RBFOX1: variants seen among roughly 807,000 people sequenced by gnomAD.
RBFOX1 encodes the protein RNA binding fox-1 homolog 1, also known as RNA binding protein fox-1 homolog 1.
Under a neutral mutation model 57.7 loss-of-function variants are expected in RBFOX1, and 8 were observed. The observed-to-expected ratio is 0.14, with a 90% CI of 0.08 to 0.25. RBFOX1 has a LOEUF of 0.25. Ranked by LOEUF, RBFOX1 falls within the 10% of genes least tolerant of loss-of-function variation. The pLI is 1.00. For synonymous variants in RBFOX1, 326 were observed against 222.4 expected, an observed-to-expected ratio of 1.47 and a Z score of -4.15; for missense variants, 611 against 548.5, an observed-to-expected ratio of 1.11 and a Z score of -1.14.
chr16:7,017,483 A>G (rs2153665770), intron 3 of RBFOX1, among the ~76,000 whole-genome samples: 1 of 152,306 alleles, frequency 6.6e-6, no homozygotes, highest in South Asian at 2.1e-4. Flanking sequence ...ACATGCTTGT[A>G]AAATATAGCC....
chr16:6,792,787 C>G (rs1038921012), intron 3 of RBFOX1, among the ~76,000 whole-genome samples: 1 of 152,110 alleles, frequency 6.6e-6, no homozygotes, highest in Non-Finnish European at 1.5e-5. Flanking sequence ...TCCCAGCACT[C>G]TGGGAGGCCG....
chr16:7,313,799 C>A (rs1161901166), intron 4 of RBFOX1, among the ~76,000 whole-genome samples: 1 of 152,020 alleles, frequency 6.6e-6, no homozygotes, highest in East Asian at 1.9e-4. Context: ...TATTTAAAAC[C>A]AGACACTTTT....
intron 4 of RBFOX1, among the ~76,000 whole-genome samples, chr16:7,062,892 CA>C (rs370058652): frequency 0.054 from 3,249 of 59,832 alleles, 325 homozygotes; most frequent in East Asian, 0.074. Flanking sequence ...AAATGATCGC[CA>C]TTTTTTTTTT....
chr16:7,272,791 C>T (rs1464985528), intron 4 of RBFOX1, among the ~76,000 whole-genome samples: 1 of 152,270 alleles, frequency 6.6e-6, no homozygotes, highest in Admixed American at 6.5e-5. Flanking sequence ...ATTCTTTTCA[C>T]AGAACCAGTG....
intron 5 of RBFOX1, among the ~76,000 whole-genome samples, chr16:7,556,217 G>A (rs900700797): frequency 2.0e-5 from 3 of 152,118 alleles, no homozygotes; most frequent in Non-Finnish European, 4.4e-5. Flanking sequence ...TGCACAACAT[G>A]ACGCAGCTCT....
At chr16:5,823,269 A>G (rs974589158) in intron 3 of RBFOX1, among the ~76,000 whole-genome samples, 1 of 152,132 alleles carries the variant, frequency 6.6e-6, no homozygotes, top group African/African-American at 2.4e-5. Context: ...CTTGATAACT[A>G]TTTTGGAAGT....
intron 2 of RBFOX1, among the ~76,000 whole-genome samples, chr16:6,646,468 G>A (rs1029633182): frequency 1.3e-5 from 2 of 152,140 alleles, no homozygotes; most frequent in East Asian, 1.9e-4. Flanking sequence ...CTTTTCTGTC[G>A]CTTGCGTGGG....
At chr16:6,804,486 T>C (rs2086254868) in intron 3 of RBFOX1, among the ~76,000 whole-genome samples, 1 of 152,162 alleles carries the variant, frequency 6.6e-6, no homozygotes, top group Non-Finnish European at 1.5e-5. Flanking sequence ...ACTAACAGGC[T>C]CAACAGCTCT....
At chr16:6,658,258 AAC>A (rs1362333605) in intron 3 of RBFOX1, among the ~76,000 whole-genome samples, 5 of 144,430 alleles carry the variant, frequency 3.5e-5, no homozygotes, top group Non-Finnish European at 6.0e-5. Flanking sequence ...TTTTTTTTTT[AAC>A]AGTCTCCCTC....
chr16:5,799,724 A>C (rs1266169895), intron 3 of RBFOX1, among the ~76,000 whole-genome samples: 4 of 152,130 alleles, frequency 2.6e-5, no homozygotes, highest in Non-Finnish European at 4.4e-5. Context: ...TCCATTTTTG[A>C]CTTAACAATA....
intron 4 of RBFOX1, among the ~76,000 whole-genome samples, chr16:5,928,960 G>T (rs1288503213): frequency 2.0e-5 from 3 of 151,486 alleles, no homozygotes; most frequent in African/African-American, 7.3e-5. Context: ...CGCCTCAAAA[G>T]GAGGGGTTGC....
intron 2 of RBFOX1, among the ~76,000 whole-genome samples, chr16:6,631,707 C>T (rs768981330): frequency 2.6e-5 from 4 of 152,010 alleles, no homozygotes; most frequent in African/African-American, 9.7e-5. Flanking sequence ...TAAAGCATTG[C>T]TGGCTGGGGG....
At chr16:6,401,711 G>A (rs1293618788) in intron 2 of RBFOX1, among the ~76,000 whole-genome samples, 5 of 152,124 alleles carry the variant, frequency 3.3e-5, no homozygotes, top group Non-Finnish European at 7.4e-5. Context: ...CTTAGACGCA[G>A]AGAACGAAGG....
chr16:6,278,468 G>A (rs757822144), intron 1 of RBFOX1, among the ~76,000 whole-genome samples: 5 of 143,616 alleles, frequency 3.5e-5, no homozygotes, highest in Non-Finnish European at 3.0e-5. Flanking sequence ...AAATCTGTGC[G>A]TCACCTCCTA....
intron 3 of RBFOX1, among the ~76,000 whole-genome samples, chr16:6,995,290 T>TTGTGTGTGTGTGTGTGTGTGTG (rs57039390): frequency 4.9e-4 from 68 of 138,410 alleles, no homozygotes; most frequent in Admixed American, 1.0e-3. Context: ...GAAAGTAGCC[T>TTGTGTGTGTGTGTGTGTGTGTG]TGTGTGTGTG....
chr16:5,617,571 C>G (rs960023046), intron 3 of RBFOX1, among the ~76,000 whole-genome samples: 2 of 152,200 alleles, frequency 1.3e-5, no homozygotes, highest in African/African-American at 4.8e-5. Context: ...TGGAAAAAGA[C>G]AGGTGCATAT....
At chr16:6,664,094 C>T (rs971097711) in intron 3 of RBFOX1, among the ~76,000 whole-genome samples, 1 of 152,174 alleles carries the variant, frequency 6.6e-6, no homozygotes, top group Non-Finnish European at 1.5e-5. Flanking sequence ...CTTATAGAGT[C>T]TACTTGCTCA....
chr16:5,652,343 C>A (rs1690851722), intron 3 of RBFOX1, among the ~76,000 whole-genome samples: 1 of 152,114 alleles, frequency 6.6e-6, no homozygotes, highest in Non-Finnish European at 1.5e-5. Context: ...CTAATATGCC[C>A]AGAGAATCAG....
At position 6,019,702 on chromosome 16, in the gene RBFOX1, CAGAG is replaced by C; in HGVS notation, c.-412_-409del. The C allele has an allele frequency of 7.4e-7, 1 of 1,346,568 alleles. No homozygotes were observed. The highest frequency in any genetic ancestry group is 1.5e-5 in the African/African-American group (1 of 65,596). 83.4% of individuals were successfully genotyped at this position (1,346,568 alleles called of 1,614,324 possible). On this transcript the variant is annotated 5_prime_UTR_variant, in exon 1 of 16. Transcript: ENST00000550418. The surrounding 1 kb of genome is among the most constrained non-coding windows in gnomAD (Gnocchi z 4.2). ...GAGAACTCCGAGCTTCTTGCCCAGG[CAGAG>C]AGAGCAGGAGCGGACCGCGCGCCCG...
Sources: allele counts gnomAD v4.1 joint callset (sites outside exome capture counted in the v4.1 genomes callset), GRCh38; gene constraint gnomAD v4.1.1; non-coding constraint Gnocchi (gnomAD v3.1); transcripts MANE v1.5; gene names NCBI Gene and HGNC (gene_info 2026-07-23, HGNC 2026-07-21).